Variants in SPSB2 observed in about 807,000 individuals in gnomAD.
SPSB2 encodes splA/ryanodine receptor domain and SOCS box containing 2.
In SPSB2, 25 loss-of-function variants were observed where a neutral mutation model predicts 19.2. The ratio of observed to expected loss-of-function variants is 1.30; its 90% CI spans 0.95 to 1.82. SPSB2 has a LOEUF of 1.82. SPSB2 is among the 40% of genes most tolerant of loss of function. The probability of loss-of-function intolerance (pLI) is 0.00; values close to 1 mark genes in which losing one functional copy is unlikely to be tolerated. For synonymous variants in SPSB2, 153 were observed against 154.9 expected, an observed-to-expected ratio of 0.99 and a Z score of 0.09; for missense variants, 413 against 344.9, an observed-to-expected ratio of 1.20 and a Z score of -1.56.
rs782579801 is a variant in SPSB2, at chr12:6,871,485, A to G, written c.665-166T>C. 5.5e-6 allele frequency: 4 copies of G among 720,868 alleles called. No homozygotes were observed. The East Asian group carries it at 8.2e-5, about 15-fold the overall frequency. The allele number at this position is 720,868 out of a possible 1,614,324, so 44.7% of individuals were successfully genotyped here. ...CCGGAAGTTCTGCCTCCCAGATAAG[A>G]TTTCACACATCCCTAGTCAGAGCTG... On this transcript the variant is annotated intron_variant, in intron 2 of 2. Transcript: ENST00000524270.
At chr12:6,871,807 A>T in intron 2 of SPSB2, 1 of 446,644 alleles carries the variant, frequency 2.2e-6, no homozygotes. Context: ...CTGAGGAAGG[A>T]AGTAGGTATG....
rs929089855 is a variant in SPSB2, at chr12:6,871,070, G to A, written c.*122C>T. The A allele has an allele frequency of 7.7e-7, 1 of 1,295,650 alleles. No homozygotes were observed. Among genetic ancestry groups the A allele is most frequent in the Non-Finnish European group, 1.1e-6 (1 of 934,920 alleles). The allele number at this position is 1,295,650 out of a possible 1,614,324, so 80.3% of individuals were successfully genotyped here. A position where few individuals can be genotyped will look rare whatever the true frequency, so the allele number is the denominator to read the frequency against. Reference sequence around the variant, plus strand: ...GGCTGTTGATTTCCGCAGAGCTTGGGTTGGGGTAGGGGCTCAGCCTCACCA... The same window carrying A: ...GGCTGTTGATTTCCGCAGAGCTTGGATTGGGGTAGGGGCTCAGCCTCACCA... On this transcript the variant is annotated 3_prime_UTR_variant, in exon 3 of 3. Coordinates refer to ENST00000524270, the MANE Select transcript of SPSB2 (RefSeq NM_032641.4).
rs1944628672 is a variant in SPSB2 at position 6,872,879 on chromosome 12, C to T, written c.23G>A (p.Gly8Glu). 1 of 1,586,552 alleles carries T rather than the reference C, an allele frequency of 6.3e-7. No homozygotes were observed. Among genetic ancestry groups the T allele is most frequent in the Non-Finnish European group, 8.6e-7 (1 of 1,162,346 alleles). Reference protein sequence around the residue: MGQTALAGGSSSTPTPQA... With the variant: MGQTALAEGSSSTPTPQA... ...TGGCGTGGGGGTGCTGCTGCTGCCC[C>T]CTGCCAGAGCTGTCTGGCCCATGGA... Residue 8 changes from glycine (G) to glutamate (E), a missense_variant, in exon 2 of 3, where the codon GGG becomes GAG. By Grantham distance (98) the Gly-to-Glu change is moderately conservative (BLOSUM62 -2). Coordinates refer to ENST00000524270, the MANE Select transcript of SPSB2 (RefSeq NM_032641.4).
chr12:6,872,573 G>A lies in SPSB2; in HGVS notation c.329C>T (p.Thr110Met). Reference protein sequence around the residue: ...RGTHAVVGVATALAPLQTDHY... With the variant: ...RGTHAVVGVAMALAPLQTDHY... Reference sequence around the variant, plus strand: ...GTCAGTCTGCAGCGGGGCGAGGGCCGTGGCCACGCCCACCACGGCATGCGT... The same window carrying A: ...GTCAGTCTGCAGCGGGGCGAGGGCCATGGCCACGCCCACCACGGCATGCGT... Residue 110 changes from threonine to methionine, a missense_variant, in exon 2 of 3, where the codon ACG becomes ATG. Physicochemically the swap from Thr to Met is moderately conservative, Grantham distance 81. Transcript: ENST00000524270. 6.2e-7 allele frequency: 1 copy of A among 1,608,260 alleles called. No homozygotes were observed. The highest frequency in any genetic ancestry group is 8.5e-7 in the Non-Finnish European group (1 of 1,178,892).
Position 6,871,170 on chromosome 12 carries a change from A to C in SPSB2, c.*22T>G. 1.3e-6 allele frequency: 2 copies of C among 1,578,726 alleles called. No individual in the cohort carries two copies. Among genetic ancestry groups the C allele is most frequent in the South Asian group, 1.2e-5 (1 of 86,796 alleles). ...GGAGGGGTGGTGGCAAGACCTCAGC[A>C]CAGTCTGTGGTATCACAGGGCTCAC... On this transcript the variant is annotated 3_prime_UTR_variant, in exon 3 of 3. Transcript: ENST00000524270.
Position 6,872,761 on chromosome 12 carries a change from A to G in SPSB2, c.141T>C (p.Gly47=). 6.2e-7 allele frequency: 1 copy of G among 1,612,554 alleles called. No individual in the cohort carries two copies. Among genetic ancestry groups the G allele is most frequent in the East Asian group, 2.2e-5 (1 of 44,894 alleles). The change falls in exon 2 of 3, where the codon GGT becomes GGC. Residue 47 remains glycine (G), a synonymous_variant. Coordinates refer to ENST00000524270, the MANE Select transcript of SPSB2 (RefSeq NM_032641.4). ...PPDLGAQRRH[G]WNPKDCSENI... ...TCTCTGAACAGTCTTTGGGGTTCCA[A>G]CCGTGGCGCCGCTGGGCCCCCAGGT...
rs1555133355 is a variant in SPSB2, at chr12:6,871,270, G to T, written c.714C>A (p.Asn238Lys). ...CCTGGCCGAGCCGGGTATCCCCCAGGTTGTGGCGCACACACAGGCGGCTCA... is the reference window on the plus strand; with the variant it reads ...CCTGGCCGAGCCGGGTATCCCCCAGTTTGTGGCGCACACACAGGCGGCTCA... ...LHLSRLCVRH[N>K]LGDTRLGQVS... Residue 238 changes from asparagine (N) to lysine (K), a missense_variant, in exon 3 of 3, where the codon AAC becomes AAA. Asn to Lys is a moderately conservative substitution (Grantham distance 94). Coordinates refer to ENST00000524270, the MANE Select transcript of SPSB2 (RefSeq NM_032641.4). The T allele has an allele frequency of 6.2e-7, 1 of 1,614,050 alleles. No individual in the cohort carries two copies.
Position 6,871,249 on chromosome 12 carries a change from G to A in SPSB2, c.735C>T (p.Gly245=), listed in dbSNP as rs782279227. The A allele has an allele frequency of 3.7e-6, 6 of 1,613,304 alleles. No homozygotes were observed. The highest frequency in any genetic ancestry group is 5.1e-6 in the Non-Finnish European group (6 of 1,179,724). ...VRHNLGDTRL[G]QVSALPLPPA... The stretch of plus-strand genomic sequence containing the variant: ...GGGGCAAGGGCAGGGCAGACACCTG[G>A]CCGAGCCGGGTATCCCCCAGGTTGT... Residue 245 remains glycine, a synonymous_variant, in exon 3 of 3, where the codon GGC becomes GGT. Coordinates refer to ENST00000524270, the MANE Select transcript of SPSB2 (RefSeq NM_032641.4).
At chr12:6,872,156 C>G (rs782117954) in intron 2 of SPSB2, 82 bp downstream of exon 2, 1 of 1,613,272 alleles carries the variant, frequency 6.2e-7, no homozygotes, top group Non-Finnish European at 8.5e-7. Flanking sequence ...TCCATCCCCT[C>G]TGCTCTTGTC....
chr12:6,872,036 T>C (rs1944605690), intron 2 of SPSB2: 7 of 1,485,956 alleles, frequency 4.7e-6, no homozygotes, highest in Non-Finnish European at 6.3e-6. Flanking sequence ...GAAAGTTGCT[T>C]TCTCAAGCCT....
In SPSB2 at chr12:6,871,077, T is replaced by C; in HGVS notation, c.*115A>G. ...GATTTCCGCAGAGCTTGGGTTGGGG[T>C]AGGGGCTCAGCCTCACCAGCTTTCA... On this transcript the variant is annotated 3_prime_UTR_variant, in exon 3 of 3. Transcript: ENST00000524270. 7.4e-7 allele frequency: 1 copy of C among 1,351,852 alleles called. No individual in the cohort carries two copies. The highest frequency in any genetic ancestry group is 1.3e-5 in the South Asian group (1 of 77,096). The allele number at this position is 1,351,852 out of a possible 1,614,324, so 83.7% of individuals were successfully genotyped here.
At position 6,871,176 on chromosome 12, in the gene SPSB2, T is replaced by A; in HGVS notation, c.*16A>T. The A allele has an allele frequency of 5.7e-6, 9 of 1,584,462 alleles. No individual in the cohort carries two copies. The South Asian group carries it at 1.0e-4, about 18-fold the overall frequency. On this transcript the variant is annotated 3_prime_UTR_variant, in exon 3 of 3. Transcript: ENST00000524270. ...GTGGTGGCAAGACCTCAGCACAGTCTGTGGTATCACAGGGCTCACTGGTAG... is the reference window on the plus strand; with the variant it reads ...GTGGTGGCAAGACCTCAGCACAGTCAGTGGTATCACAGGGCTCACTGGTAG...
intron 2 of SPSB2, 182 bp from the exon 3 acceptor site, chr12:6,871,501 G>C (rs1388085509): frequency 1.5e-6 from 1 of 674,380 alleles, no homozygotes; most frequent in Non-Finnish European, 2.5e-6. Flanking sequence ...CACATCCCTA[G>C]TCAGAGCTGG....
At position 6,872,135 on chromosome 12, in the gene SPSB2, CTGGA is replaced by C. The variant is rs781872204; in HGVS notation, c.664+99_664+102del. ...AGCACTGAACAGAGGTTGAGGCAGGCTGGATGAAGGTCCATCCCCTCTGCTCTTG... is the reference window on the plus strand; with the variant it reads ...AGCACTGAACAGAGGTTGAGGCAGGCTGAAGGTCCATCCCCTCTGCTCTTG... On this transcript the variant is annotated intron_variant, in intron 2 of 2. Coordinates refer to ENST00000524270, the MANE Select transcript of SPSB2 (RefSeq NM_032641.4). 9 of 1,612,958 alleles carry C rather than the reference CTGGA, an allele frequency of 5.6e-6. No homozygotes were observed. In the South Asian group the frequency reaches 9.9e-5, roughly 18 times the overall value.
chr12:6,871,899 T>C lies in SPSB2; in HGVS notation c.664+339A>G, dbSNP rs1404819785. 5.4e-6 allele frequency: 6 copies of C among 1,109,538 alleles called. No homozygotes were observed. In the African/African-American group the frequency reaches 9.5e-5, roughly 17 times the overall value. 68.7% of individuals were successfully genotyped at this position (1,109,538 alleles called of 1,614,324 possible). ...TCTGCCCATCCTTCTTTTGGACCTGTACATCAAACCCAGTACCTAACGCTT... is the reference window on the plus strand; with the variant it reads ...TCTGCCCATCCTTCTTTTGGACCTGCACATCAAACCCAGTACCTAACGCTT... On this transcript the variant is annotated intron_variant, in intron 2 of 2. Transcript: ENST00000524270.
chr12:6,873,033 CG>C (rs1205280121), intron 1 of SPSB2, 36 bp from the exon 2 acceptor site: 3 of 642,290 alleles, frequency 4.7e-6, no homozygotes, highest in Non-Finnish European at 7.9e-6. Flanking sequence ...AGAATCCTGG[CG>C]GGGGCTCGTC....
Position 6,871,648 on chromosome 12 carries a change from C to T in SPSB2, c.665-329G>A. The T allele has an allele frequency of 2.1e-5, 9 of 419,744 alleles. No individual in the cohort carries two copies. The South Asian group carries it at 2.3e-4, about 11-fold the overall frequency. 26.0% of individuals were successfully genotyped at this position (419,744 alleles called of 1,614,324 possible). On this transcript the variant is annotated intron_variant, in intron 2 of 2. Coordinates refer to ENST00000524270, the MANE Select transcript of SPSB2 (RefSeq NM_032641.4). ...GAGGGATGGCCCTCCACTCTACAGC[C>T]CACACAACTGCAGAGAGCAGCTCCA...
In SPSB2 at chr12:6,872,863, G is replaced by A; in HGVS notation, c.39C>T (p.Thr13=). The change falls in exon 2 of 3, where the codon ACC becomes ACT. Residue 13 remains threonine (T), a synonymous_variant. Coordinates refer to ENST00000524270, the MANE Select transcript of SPSB2 (RefSeq NM_032641.4). ...QTALAGGSSS[T]PTPQALYPDL... ...CAGGGTACAGGGCCTGTGGCGTGGG[G>A]GTGCTGCTGCTGCCCCCTGCCAGAG... The A allele has an allele frequency of 6.3e-7, 1 of 1,595,932 alleles. No individual in the cohort carries two copies. Among genetic ancestry groups the A allele is most frequent in the Non-Finnish European group, 8.6e-7 (1 of 1,168,130 alleles).
intron 2 of SPSB2, chr12:6,871,553 G>A (rs1201466287): frequency 1.2e-5 from 7 of 576,022 alleles, no homozygotes; most frequent in East Asian, 1.2e-4. Context: ...ACAGGCCAAG[G>A]TGGCTCTGAC....
Sources: allele counts gnomAD v4.1 joint callset, GRCh38; gene constraint gnomAD v4.1.1; transcripts MANE v1.5; gene names NCBI Gene and HGNC (gene_info 2026-07-23, HGNC 2026-07-21).